Variants in HERC1 observed in about 807,000 individuals in gnomAD.
HERC1 encodes the protein HECT and RLD domain containing E3 ubiquitin protein ligase family member 1, also known as probable E3 ubiquitin-protein ligase HERC1.
Under a neutral mutation model 554.3 loss-of-function variants are expected in HERC1, and 160 were observed. That is an observed-to-expected ratio of 0.29 (90% CI 0.25 to 0.33). The LOEUF (loss-of-function observed/expected upper bound fraction) is 0.33, where lower values mean the gene tolerates loss of function less well. Ranked by LOEUF, HERC1 falls within the 10% of genes least tolerant of loss-of-function variation. The probability of loss-of-function intolerance (pLI) is 1.00; values close to 1 mark genes in which losing one functional copy is unlikely to be tolerated. For missense variants in HERC1, 4,919 were observed against 5,918.5 expected (o/e 0.83, Z 5.54); for synonymous variants, 2,175 against 2,131.7 (o/e 1.02, Z -0.56).
At chr15:63,641,106 C>A (rs2069034805) in intron 60 of HERC1, among the ~76,000 whole-genome samples, 1 of 152,164 alleles carries the variant, frequency 6.6e-6, no homozygotes, top group South Asian at 2.1e-4. Context: ...CCGCATCCAT[C>A]CCTATCCCTC....
intron 12 of HERC1, among the ~76,000 whole-genome samples, chr15:63,740,240 G>C (rs535607214): frequency 6.6e-6 from 1 of 152,232 alleles, no homozygotes; most frequent in South Asian, 2.1e-4. Context: ...GGTTCGGTTA[G>C]GTTGTAGTAT....
chr15:63,730,483 G>T (rs2074245737), intron 14 of HERC1, among the ~76,000 whole-genome samples: 1 of 151,988 alleles, frequency 6.6e-6, no homozygotes, highest in Non-Finnish European at 1.5e-5. Flanking sequence ...AATTAAAAAA[G>T]AGATATGACA....
intron 21 of HERC1, among the ~76,000 whole-genome samples, chr15:63,716,675 T>G (rs527372604): frequency 2.0e-5 from 3 of 152,204 alleles, no homozygotes; most frequent in East Asian, 3.8e-4. Flanking sequence ...GACACATATA[T>G]GCTCTTCCTT....
In HERC1 at chr15:63,694,705, A is replaced by G. The variant is rs752385730; in HGVS notation, c.5242+69T>C. 4.4e-6 allele frequency: 7 copies of G among 1,592,538 alleles called. No homozygotes were observed. In the South Asian group the frequency reaches 6.6e-5, roughly 15 times the overall value. On this transcript the variant is annotated intron_variant, in intron 28 of 77. Transcript: ENST00000443617. This position sits in a 1 kb window ranked among gnomAD's most constrained non-coding sequence, Gnocchi z 4.3. Reference sequence around the variant, plus strand: ...TAATGTTAAACACAAAATATAGAACATAACTAGTACCATAACCTCGGGCTA... The same window carrying G: ...TAATGTTAAACACAAAATATAGAACGTAACTAGTACCATAACCTCGGGCTA...
At chr15:63,823,175 C>T (rs922532408) in intron 1 of HERC1, among the ~76,000 whole-genome samples, 5 of 152,252 alleles carry the variant, frequency 3.3e-5, no homozygotes, top group African/African-American at 1.2e-4. Flanking sequence ...CTCCAATAGG[C>T]CCCAGTGACT....
At chr15:63,621,624 C>T (rs572367274) in intron 74 of HERC1, among the ~76,000 whole-genome samples, 2 of 152,268 alleles carry the variant, frequency 1.3e-5, no homozygotes, top group East Asian at 3.9e-4. Context: ...CTTTCAGGTA[C>T]ACCAATCAGA....
chr15:63,699,327 C>G (rs1323249419), intron 25 of HERC1, among the ~76,000 whole-genome samples: 3 of 152,186 alleles, frequency 2.0e-5, no homozygotes, highest in African/African-American at 4.8e-5. Flanking sequence ...CAGTATTAAA[C>G]CAGATCATCA....
intron 1 of HERC1, among the ~76,000 whole-genome samples, chr15:63,809,821 A>G (rs2077246476): frequency 6.6e-6 from 1 of 151,786 alleles, no homozygotes; most frequent in Non-Finnish European, 1.5e-5. Flanking sequence ...AAAAGCAATG[A>G]AAAGGGGAAA....
intron 3 of HERC1, 121 bp downstream of exon 3, chr15:63,763,975 C>A (rs2142397933): frequency 7.2e-6 from 2 of 278,820 alleles, no homozygotes; most frequent in Non-Finnish European, 1.5e-5. Context: ...CTAGAGGTAA[C>A]AACTGGTGCC....
intron 1 of HERC1, among the ~76,000 whole-genome samples, chr15:63,825,695 A>G (rs1286805927): frequency 2.6e-5 from 4 of 152,164 alleles, no homozygotes; most frequent in African/African-American, 9.7e-5. Context: ...TTCCATTCAC[A>G]ATCAGCACTC....
At chr15:63,664,621 C>CA in intron 42 of HERC1, 27 bp from the exon 43 acceptor site, 1 of 1,602,076 alleles carries the variant, frequency 6.2e-7, no homozygotes, top group South Asian at 1.1e-5. Flanking sequence ...GAAAGCAACA[C>CA]AAAGTTTTTG....
intron 1 of HERC1, among the ~76,000 whole-genome samples, chr15:63,795,311 A>G (rs2076781084): frequency 2.0e-5 from 3 of 152,148 alleles, no homozygotes; most frequent in African/African-American, 7.2e-5. Flanking sequence ...TGGAAAAAGA[A>G]GTTCAAAGTA....
Position 63,718,311 on chromosome 15 carries a change from C to A in HERC1, c.3978+263G>T, listed in dbSNP as rs1164005191. ...CAGCACAAAGAGAGGAATAATCATT[C>A]ATATGATTTGAATCATTCAATTTGT... On this transcript the variant is annotated intron_variant, in intron 21 of 77. Coordinates refer to ENST00000443617, the MANE Select transcript of HERC1 (RefSeq NM_003922.4). This position sits in a 1 kb window ranked among gnomAD's most constrained non-coding sequence, Gnocchi z 4.2. 1 of 335,632 alleles carries A rather than the reference C, an allele frequency of 3.0e-6. No individual in the cohort carries two copies. The highest frequency in any genetic ancestry group is 5.3e-5 in the East Asian group (1 of 19,018). The allele number at this position is 335,632 out of a possible 1,614,324, so 20.8% of individuals were successfully genotyped here. A position where few individuals can be genotyped will look rare whatever the true frequency, so the allele number is the denominator to read the frequency against.
At position 63,791,892 on chromosome 15, in the gene HERC1, A is replaced by AT. The variant is rs547617997; in HGVS notation, c.-26-16244dup. Among the ~76,000 whole-genome samples the AT allele has an allele frequency of 2.7e-3, 411 of 152,308 alleles. 1 individual carries two copies. The highest frequency in any genetic ancestry group is 9.3e-3 in the African/African-American group (386 of 41,562). ...TTATCTGTTGGCAGTAACATCTCCT[A>AT]TATTGATGCCCCACACAACTGTTCA... is the stretch of plus-strand genomic sequence containing the variant. On this transcript the variant is annotated intron_variant, in intron 1 of 77. Coordinates refer to ENST00000443617, the MANE Select transcript of HERC1 (RefSeq NM_003922.4).
At position 63,694,468 on chromosome 15, in the gene HERC1, G is replaced by C. The variant is rs189133669; in HGVS notation, c.5324C>G (p.Ser1775Cys). The change falls in exon 29 of 78, where the codon TCC becomes TGC. Residue 1775 changes from serine to cysteine, a missense_variant. Ser to Cys is a moderately radical substitution (Grantham distance 112, BLOSUM62 -1). This residue lies in a region of HERC1 where 1,121 missense variants were observed against 1,244.0 expected (regional missense o/e 0.90). Transcript: ENST00000443617. The surrounding 1 kb of genome is among the most constrained non-coding windows in gnomAD (Gnocchi z 4.3). ...YQPVDVSLAI[S>C]TGLLNVLSQL... is the part of the protein sequence containing the mutation. The stretch of plus-strand genomic sequence containing the variant: ...TGACAATACGTTTAGCAGACCAGTG[G>C]AAATTGCCAAAGAAACATCTACTGG... 2 of 1,613,880 alleles carry C rather than the reference G, an allele frequency of 1.2e-6. No homozygotes were observed. The highest frequency in any genetic ancestry group is 2.7e-5 in the African/African-American group (2 of 74,926).
At chr15:63,796,448 A>T (rs998189141) in intron 1 of HERC1, among the ~76,000 whole-genome samples, 2 of 152,244 alleles carry the variant, frequency 1.3e-5, no homozygotes, top group African/African-American at 4.8e-5. Context: ...AATTTGACAC[A>T]GTTAAGTCCA....
Position 63,612,681 on chromosome 15 carries a change from C to CGTGCCTGGCGGTCTG in HERC1, c.14095-126_14095-125insCAGACCGCCAGGCAC. ...CTCCCCAGACCCTCTACTTGTTTCT[C>CGTGCCTGGCGGTCTG]AGACCGCCAGGCACGAGAGTCAGTC... On this transcript the variant is annotated intron_variant, in intron 76 of 77. Coordinates refer to ENST00000443617, the MANE Select transcript of HERC1 (RefSeq NM_003922.4). The surrounding 1 kb of genome is among the most constrained non-coding windows in gnomAD (Gnocchi z 5.0). The CGTGCCTGGCGGTCTG allele has an allele frequency of 1.1e-6, 1 of 872,492 alleles. No individual in the cohort carries two copies. Among genetic ancestry groups the CGTGCCTGGCGGTCTG allele is most frequent in the Non-Finnish European group, 1.7e-6 (1 of 584,496 alleles). The allele number at this position is 872,492 out of a possible 1,614,324, so 54.0% of individuals were successfully genotyped here. A position where few individuals can be genotyped will look rare whatever the true frequency, so the allele number is the denominator to read the frequency against.
chr15:63,663,213 A>G lies in HERC1; in HGVS notation c.8681-9T>C, dbSNP rs2070443792. 1.2e-6 allele frequency: 2 copies of G among 1,603,392 alleles called. No individual in the cohort carries two copies. Among genetic ancestry groups the G allele is most frequent in the Non-Finnish European group, 8.5e-7 (1 of 1,173,592 alleles). On this transcript the variant is annotated splice_polypyrimidine_tract_variant and intron_variant, in intron 43 of 77. Transcript: ENST00000443617. ...AGAGCGGTATAATCCCGCTCAGAAC[A>G]AAACAAAAAAGGCATTTTATTTGCA...
intron 69 of HERC1, 55 bp downstream of exon 69, chr15:63,630,409 AGG>A (rs2152800189): frequency 6.5e-7 from 1 of 1,533,296 alleles, no homozygotes; most frequent in East Asian, 2.2e-5. Flanking sequence ...TCCCCAACTG[AGG>A]AACACTGTGA....
Sources: allele counts gnomAD v4.1 joint callset (sites outside exome capture counted in the v4.1 genomes callset), GRCh38; gene constraint gnomAD v4.1.1; regional missense constraint gnomAD v4.1.1; non-coding constraint Gnocchi (gnomAD v3.1); transcripts MANE v1.5; gene names NCBI Gene and HGNC (gene_info 2026-07-23, HGNC 2026-07-21).